Variants in CPPED1 observed in about 807,000 individuals in gnomAD.
CPPED1 encodes calcineurin like phosphoesterase domain containing 1, also known as serine/threonine-protein phosphatase CPPED1.
In CPPED1, 28 loss-of-function variants were observed where a neutral mutation model predicts 28.0. That is an observed-to-expected ratio of 1.00 (90% CI 0.74 to 1.37). The LOEUF (loss-of-function observed/expected upper bound fraction) is 1.37. Among genes scored for constraint, CPPED1 ranks in the 40% most tolerant of loss-of-function variants. The pLI is 0.00. For missense variants in CPPED1, 504 were observed against 416.5 expected (o/e 1.21, Z -1.83); for synonymous variants, 198 against 180.2 (o/e 1.10, Z -0.79).
intron 2 of CPPED1, 122 bp from the exon 3 acceptor site, chr16:12,705,171 C>A (rs1263451413): frequency 5.6e-6 from 6 of 1,063,776 alleles, no homozygotes; most frequent in Non-Finnish European, 7.9e-6. Flanking sequence ...CTCCACCTAG[C>A]ACATGGAAAC....
chr16:12,668,525 C>G (rs1354448779), intron 3 of CPPED1, among the ~76,000 whole-genome samples: 4 of 152,062 alleles, frequency 2.6e-5, no homozygotes, highest in Non-Finnish European at 5.9e-5. Flanking sequence ...TTTTGTGCTC[C>G]CAAAACATTA....
intron 1 of CPPED1, among the ~76,000 whole-genome samples, chr16:12,791,312 G>A (rs897700289): frequency 2.6e-5 from 4 of 152,056 alleles, no homozygotes; most frequent in African/African-American, 4.8e-5. Flanking sequence ...GAGAACATGC[G>A]GTGTTTGGTT....
At position 12,661,187 on chromosome 16, in the gene CPPED1, C is replaced by T. The variant is rs549966385; in HGVS notation, c.*3699G>A. 3.9e-5 allele frequency: 6 copies of T among 152,306 alleles called. No homozygotes were observed. The highest frequency in any genetic ancestry group is 3.4e-3 in the Middle Eastern group (1 of 294). The allele number at this position is 152,306 out of a possible 1,614,324, so 9.4% of individuals were successfully genotyped here. On this transcript the variant is annotated 3_prime_UTR_variant, in exon 4 of 4. Coordinates refer to ENST00000381774, the MANE Select transcript of CPPED1 (RefSeq NM_018340.3). ...AAAAGATTCTGCATTGGAATACAGA[C>T]TGTAATATTAAACTACTATGTGTAT...
chr16:12,740,165 G>C (rs2141210483), intron 2 of CPPED1, among the ~76,000 whole-genome samples: 1 of 152,278 alleles, frequency 6.6e-6, no homozygotes, highest in Non-Finnish European at 1.5e-5. Flanking sequence ...ATACTTTTTA[G>C]GCCGGGCGCA....
intron 3 of CPPED1, among the ~76,000 whole-genome samples, chr16:12,684,310 G>A (rs2079921376): frequency 6.6e-6 from 1 of 152,068 alleles, no homozygotes; most frequent in Non-Finnish European, 1.5e-5. Flanking sequence ...CAGGAGTTTG[G>A]GACCAGCCTG....
At chr16:12,665,938 T>C (rs1029790188) in intron 3 of CPPED1, among the ~76,000 whole-genome samples, 9 of 151,226 alleles carry the variant, frequency 6.0e-5, no homozygotes, top group East Asian at 2.0e-4. Flanking sequence ...AATAAACACA[T>C]AAACCAACAA....
intron 2 of CPPED1, among the ~76,000 whole-genome samples, chr16:12,755,211 C>T (rs540021241): frequency 9.2e-5 from 14 of 151,814 alleles, no homozygotes; most frequent in Non-Finnish European, 1.5e-4. Flanking sequence ...ACGAGCATAC[C>T]AGTGATGCTC....
chr16:12,782,043 G>T (rs1450329091), intron 1 of CPPED1, among the ~76,000 whole-genome samples: 1 of 152,108 alleles, frequency 6.6e-6, no homozygotes, highest in Non-Finnish European at 1.5e-5. Context: ...TCCGTGAGGT[G>T]TGAGGCTGGG....
chr16:12,732,023 C>T (rs573817242), intron 2 of CPPED1, among the ~76,000 whole-genome samples: 6 of 151,966 alleles, frequency 3.9e-5, no homozygotes, highest in South Asian at 2.1e-4. Context: ...AGTAGCTGGG[C>T]GTAGTGGCAC....
At chr16:12,800,256 T>C (rs1010052070) in intron 1 of CPPED1, among the ~76,000 whole-genome samples, 1 of 152,128 alleles carries the variant, frequency 6.6e-6, no homozygotes, top group African/African-American at 2.4e-5. Flanking sequence ...CTGGCCAACA[T>C]GGCGAAACCC....
chr16:12,692,587 C>T (rs1012450691), intron 3 of CPPED1, among the ~76,000 whole-genome samples: 7 of 152,186 alleles, frequency 4.6e-5, no homozygotes, highest in African/African-American at 1.7e-4. Flanking sequence ...CCTCTAGGAC[C>T]TGAATATGTC....
chr16:12,690,973 C>A (rs895463952), intron 3 of CPPED1, among the ~76,000 whole-genome samples: 6 of 152,188 alleles, frequency 3.9e-5, no homozygotes, highest in African/African-American at 1.4e-4. Flanking sequence ...TGGGACCCTG[C>A]CCCACACGGG....
intron 2 of CPPED1, among the ~76,000 whole-genome samples, chr16:12,724,949 G>A (rs560007849): frequency 2.6e-5 from 4 of 152,002 alleles, no homozygotes; most frequent in African/African-American, 4.8e-5. Flanking sequence ...ACCACGCCCG[G>A]CTAATTTTTT....
chr16:12,694,162 C>T (rs980649278), intron 3 of CPPED1, among the ~76,000 whole-genome samples: 3 of 152,082 alleles, frequency 2.0e-5, no homozygotes, highest in South Asian at 2.1e-4. Context: ...GCCGAGATTG[C>T]GCCACTGCAC....
chr16:12,668,053 G>C (rs1277477922), intron 3 of CPPED1, among the ~76,000 whole-genome samples: 1 of 152,098 alleles, frequency 6.6e-6, no homozygotes, highest in Non-Finnish European at 1.5e-5. Context: ...CAGAATCAAA[G>C]AGTAATGCCT....
chr16:12,750,653 G>A (rs937972719), intron 2 of CPPED1, among the ~76,000 whole-genome samples: 11 of 152,184 alleles, frequency 7.2e-5, no homozygotes, highest in African/African-American at 2.7e-4. Flanking sequence ...TTACCAAGAT[G>A]TAAGAATATG....
intron 2 of CPPED1, among the ~76,000 whole-genome samples, chr16:12,728,510 T>C (rs1298848288): frequency 6.6e-6 from 1 of 151,152 alleles, no homozygotes; most frequent in Non-Finnish European, 1.5e-5. Context: ...TGTGACCAAG[T>C]GAAGCAAAAC....
chr16:12,719,207 C>T lies in CPPED1; in HGVS notation c.290-14158G>A, dbSNP rs575580754. ...GAGATCGAGACCATCCTGGCTAACA[C>T]GGTGAAACCCCGACTCTACTAAAAA... On this transcript the variant is annotated intron_variant, in intron 2 of 3. Transcript: ENST00000381774. Among the ~76,000 whole-genome samples the T allele has an allele frequency of 8.0e-4, 122 of 152,098 alleles. No individual in the cohort carries two copies. The South Asian group carries it at 0.022, about 27-fold the overall frequency.
chr16:12,770,736 C>T (rs1442536770), intron 2 of CPPED1, among the ~76,000 whole-genome samples: 1 of 151,930 alleles, frequency 6.6e-6, no homozygotes, highest in Non-Finnish European at 1.5e-5. Context: ...GCAGGAGAAT[C>T]GCTTGAACCC....
Sources: allele counts gnomAD v4.1 joint callset (sites outside exome capture counted in the v4.1 genomes callset), GRCh38; gene constraint gnomAD v4.1.1; transcripts MANE v1.5; gene names NCBI Gene and HGNC (gene_info 2026-07-23, HGNC 2026-07-21).